The following ZNF730 variants were observed in gnomAD, a reference collection of about 807,000 sequenced individuals.
The protein encoded by ZNF730 is putative zinc finger protein 730.
Under a neutral mutation model 12.6 loss-of-function variants are expected in ZNF730, and 12 were observed. That is an observed-to-expected ratio of 0.95 (90% CI 0.61 to 1.54). ZNF730 has a LOEUF of 1.54. Among genes scored for constraint, ZNF730 ranks in the 40% most tolerant of loss-of-function variants. The pLI is 0.00. For synonymous variants in ZNF730, 194 were observed against 195.8 expected (o/e 0.99, Z 0.08); for missense variants, 643 against 583.5 (o/e 1.10, Z -1.05).
At chr19:23,089,988 C>T (rs1320316891) in intron 1 of ZNF730, among the ~76,000 whole-genome samples, 1 of 152,182 alleles carries the variant, frequency 6.6e-6, no homozygotes, top group African/African-American at 2.4e-5. Flanking sequence ...TGGCTCATGC[C>T]TGTAATCCCA....
At position 23,145,742 on chromosome 19, in the gene ZNF730, G is replaced by A. The variant is rs1418521956; in HGVS notation, c.698G>A (p.Cys233Tyr). The A allele has an allele frequency of 6.4e-7, 1 of 1,562,852 alleles. No individual in the cohort carries two copies. Among genetic ancestry groups the A allele is most frequent in the Non-Finnish European group, 8.7e-7 (1 of 1,155,346 alleles). ...AAAAAACCTTACAAATGTAAAGAAT[G>A]TGGCAAAGCCTTTAACTGGTTTTCA... ...TEKKPYKCKE[C>Y]GKAFNWFSHF... is the part of the protein sequence containing the mutation. The change falls in exon 4 of 4, where the codon TGT (cysteine) becomes TAT (tyrosine). Residue 233 changes from cysteine to tyrosine, a missense_variant. Physicochemically the swap from Cys to Tyr is radical, Grantham distance 194. Transcript: ENST00000597761.
intron 1 of ZNF730, chr19:23,099,954 T>G (rs1450848422): frequency 6.6e-6 from 1 of 152,186 alleles, no homozygotes; most frequent in East Asian, 1.9e-4. Context: ...TCAGGTGATG[T>G]GAGTTTTCTC....
chr19:23,114,025 A>G (rs560607661), upstream of ZNF730, among the ~76,000 whole-genome samples: 1 of 152,318 alleles, frequency 6.6e-6, no homozygotes, highest in East Asian at 1.9e-4. Flanking sequence ...TTTTGTACCA[A>G]CAACTGTGTT....
intron 1 of ZNF730, chr19:23,126,733 ATTTTT>A: frequency 2.5e-6 from 1 of 394,910 alleles, no homozygotes; most frequent in Non-Finnish European, 5.0e-6. Flanking sequence ...GCAGACTGAG[ATTTTT>A]TTTTTTCAAA....
chr19:23,117,254 C>T lies in ZNF730; in HGVS notation c.3+78C>T, dbSNP rs368865650. On this transcript the variant is annotated intron_variant, in intron 1 of 3. Coordinates refer to ENST00000597761, the MANE Select transcript of ZNF730 (RefSeq NM_001277403.2). ...GGTGGGAAGCGGCTGTGGCGGGACC[C>T]AGGCCTCCCCGCAGTCAGCTTCACA... The T allele has an allele frequency of 1.9e-6, 3 of 1,608,890 alleles. No homozygotes were observed. In the East Asian group the frequency reaches 6.7e-5, roughly 36 times the overall value.
intron 1 of ZNF730, chr19:23,098,210 C>T (rs746535364): frequency 2.0e-5 from 3 of 151,042 alleles, no homozygotes; most frequent in Admixed American, 6.6e-5. Flanking sequence ...ATGATACTCT[C>T]TCCTGCCTGA....
rs1352932144 is a variant in ZNF730, at chr19:23,080,168, C to A, written c.-94+4781C>A. 2.6e-5 allele frequency among the ~76,000 whole-genome samples: 4 copies of A among 151,852 alleles called. No homozygotes were observed. The East Asian group carries it at 7.8e-4, about 30-fold the overall frequency. ...ACCATGTTGGTCAGGCTGAGATGACCCTATTTCAAAAGACTGAATAATATC... is the reference window on the plus strand; with the variant it reads ...ACCATGTTGGTCAGGCTGAGATGACACTATTTCAAAAGACTGAATAATATC... On this transcript the variant is annotated intron_variant, in intron 1 of 2. Coordinates refer to the ZNF730 transcript ENST00000593635.
chr19:23,116,222 C>T (rs533741953), upstream of ZNF730, among the ~76,000 whole-genome samples: 6 of 152,146 alleles, frequency 3.9e-5, no homozygotes, highest in African/African-American at 1.4e-4. Context: ...CCCTGTGGCC[C>T]CATCATCCTT....
intron 1 of ZNF730, among the ~76,000 whole-genome samples, chr19:23,096,007 A>G (rs1480103956): frequency 6.6e-6 from 1 of 152,052 alleles, no homozygotes; most frequent in Non-Finnish European, 1.5e-5. Flanking sequence ...TTTTTGGCCA[A>G]GCACCTACAA....
intron 1 of ZNF730, among the ~76,000 whole-genome samples, chr19:23,119,047 T>C (rs767146708): frequency 2.6e-5 from 4 of 152,240 alleles, no homozygotes; most frequent in Non-Finnish European, 5.9e-5. Context: ...TTTCTTTCTC[T>C]TGCCTGAATG....
chr19:23,122,582 A>G (rs188865959), intron 1 of ZNF730, among the ~76,000 whole-genome samples: 1 of 152,230 alleles, frequency 6.6e-6, no homozygotes, highest in Non-Finnish European at 1.5e-5. Flanking sequence ...TAATTATCTC[A>G]TATTTGCAGG....
At chr19:23,129,590 C>T (rs1048378931) in intron 1 of ZNF730, among the ~76,000 whole-genome samples, 1 of 138,042 alleles carries the variant, frequency 7.2e-6, no homozygotes, top group East Asian at 2.2e-4. Context: ...CCCATTATAT[C>T]AGGGAAGTAA....
At chr19:23,114,305 C>CTTTCTTTTTT (rs1970490241), upstream of ZNF730, among the ~76,000 whole-genome samples, 3 of 103,508 alleles carry the variant, frequency 2.9e-5, no homozygotes, top group Non-Finnish European at 5.9e-5. Flanking sequence ...TTTTTCTTTT[C>CTTTCTTTTTT]TTTTTTTTTT....
At chr19:23,121,438 A>G (rs1568311649) in intron 1 of ZNF730, among the ~76,000 whole-genome samples, 1 of 152,050 alleles carries the variant, frequency 6.6e-6, no homozygotes, top group Non-Finnish European at 1.5e-5. Flanking sequence ...TCCCAGGTTC[A>G]AGAGATTCTC....
rs575389757 is a variant in ZNF730, at chr19:23,099,834, G to A, written c.-94+24447G>A. On this transcript the variant is annotated intron_variant, in intron 1 of 2. Coordinates refer to the ZNF730 transcript ENST00000593635. Reference sequence around the variant, plus strand: ...GTCTGAGTTATTTGACTCTCACCTGGGCCCAGTACCCAGTGACATATTAGG... The same window carrying A: ...GTCTGAGTTATTTGACTCTCACCTGAGCCCAGTACCCAGTGACATATTAGG... Among the ~76,000 whole-genome samples, 21 of 152,098 alleles carry A rather than the reference G, an allele frequency of 1.4e-4. No individual in the cohort carries two copies. In the South Asian group the frequency reaches 4.4e-3, roughly 32 times the overall value.
At position 23,087,332 on chromosome 19, in the gene ZNF730, C is replaced by T. The variant is rs566280349; in HGVS notation, c.-94+11945C>T. On this transcript the variant is annotated intron_variant, in intron 1 of 2. Coordinates refer to the ZNF730 transcript ENST00000593635. ...CTGAAGCAGGAGAATTGCTTGAACC[C>T]GGGAGGCAGAGGTTGCAGTGAGTCG... 1.4e-4 allele frequency among the ~76,000 whole-genome samples: 22 copies of T among 152,010 alleles called. No homozygotes were observed. The South Asian group carries it at 2.7e-3, about 19-fold the overall frequency.
chr19:23,124,860 G>A (rs1232636409), intron 1 of ZNF730, among the ~76,000 whole-genome samples: 2 of 152,150 alleles, frequency 1.3e-5, no homozygotes, highest in Non-Finnish European at 2.9e-5. Context: ...TTATCATACA[G>A]AAACTTTTAG....
At chr19:23,078,269 ATGATTTATATTATTCCCGGAGAG>A (rs1338013291) in intron 1 of ZNF730, among the ~76,000 whole-genome samples, 4 of 151,874 alleles carry the variant, frequency 2.6e-5, no homozygotes, top group Non-Finnish European at 4.4e-5. Flanking sequence ...ATATAGTAGA[ATGATTTATATTATTCCCGGAGAG>A]TGATTTATAT....
chr19:23,081,156 T>C (rs1223803165), intron 1 of ZNF730, among the ~76,000 whole-genome samples: 5 of 143,908 alleles, frequency 3.5e-5, no homozygotes, highest in Admixed American at 6.9e-5. Flanking sequence ...TCTTTTTTTC[T>C]TTTTTTTTTT....
Sources: gnomAD v4.1 joint callset for allele counts (sites outside exome capture counted in the v4.1 genomes callset) on GRCh38, gnomAD v4.1.1 for gene constraint, MANE v1.5 for transcripts, NCBI Gene and HGNC (gene_info 2026-07-23, HGNC 2026-07-21) for gene names.